Variants in TINAGL1 observed in about 807,000 individuals in gnomAD.
TINAGL1 encodes tubulointerstitial nephritis antigen-like.
Under a neutral mutation model 62.0 loss-of-function variants are expected in TINAGL1, and 34 were observed. That is an observed-to-expected ratio of 0.55 (90% CI 0.42 to 0.73). The LOEUF (loss-of-function observed/expected upper bound fraction) is 0.73, where lower values mean the gene tolerates loss of function less well. Ranked by LOEUF, TINAGL1 falls within the 30% of genes least tolerant of loss-of-function variation. The probability of loss-of-function intolerance (pLI) is 0.00; values close to 1 mark genes in which losing one functional copy is unlikely to be tolerated. For missense variants in TINAGL1, 516 were observed against 653.2 expected, an observed-to-expected ratio of 0.79 and a Z score of 2.29; for synonymous variants, 221 against 249.7, an observed-to-expected ratio of 0.88 and a Z score of 1.08.
Position 31,583,012 on chromosome 1 carries a change from G to C in TINAGL1, c.375-137G>C, listed in dbSNP as rs1247753551. The C allele has an allele frequency of 1.4e-6, 1 of 739,226 alleles. No homozygotes were observed. Among genetic ancestry groups the C allele is most frequent in the Admixed American group, 2.0e-5 (1 of 50,804 alleles). The allele number at this position is 739,226 out of a possible 1,614,324, so 45.8% of individuals were successfully genotyped here. On this transcript the variant is annotated intron_variant, in intron 3 of 11. Coordinates refer to ENST00000271064, the MANE Select transcript of TINAGL1 (RefSeq NM_022164.3). The surrounding 1 kb of genome is among the most constrained non-coding windows in gnomAD (Gnocchi z 4.4). ...AGACGTTGACATTTAAAGCCACCAGGCTGGATGGGATCACCTAGAGATTCT... is the reference window on the plus strand; with the variant it reads ...AGACGTTGACATTTAAAGCCACCAGCCTGGATGGGATCACCTAGAGATTCT...
chr1:31,578,274 G>GTC (rs1639058445), intron 2 of TINAGL1: 1 of 582,274 alleles, frequency 1.7e-6, no homozygotes, highest in Non-Finnish European at 2.2e-6. Context: ...GTGTGTGTGT[G>GTC]TGATGTCTTC....
At position 31,576,998 on chromosome 1, in the gene TINAGL1, C is replaced by T. The variant is rs1382206785; in HGVS notation, c.-15-136C>T. 1 of 786,822 alleles carries T rather than the reference C, an allele frequency of 1.3e-6. No individual in the cohort carries two copies. Among genetic ancestry groups the T allele is most frequent in the Non-Finnish European group, 1.9e-6 (1 of 515,990 alleles). 48.7% of individuals were successfully genotyped at this position (786,822 alleles called of 1,614,324 possible). ...GCCCACACACTGGGGCTCCTCTGCCCGTGTCCTGCCTGGGGACTCAGGAAT... is the reference window on the plus strand; with the variant it reads ...GCCCACACACTGGGGCTCCTCTGCCTGTGTCCTGCCTGGGGACTCAGGAAT... On this transcript the variant is annotated intron_variant, in intron 1 of 11. Coordinates refer to ENST00000271064, the MANE Select transcript of TINAGL1 (RefSeq NM_022164.3). This position sits in a 1 kb window ranked among gnomAD's most constrained non-coding sequence, Gnocchi z 5.1.
rs1557562640 is a variant in TINAGL1, at chr1:31,585,614, T to TGGAGG, written c.1093+129_1093+130insGGAGG. On this transcript the variant is annotated intron_variant, in intron 9 of 11. Transcript: ENST00000271064. This position sits in a 1 kb window ranked among gnomAD's most constrained non-coding sequence, Gnocchi z 4.3. The stretch of plus-strand genomic sequence containing the variant: ...AGGGCCAGGAGTAGGGGTCCCCCCC[T>TGGAGG]CCCACAGGCAGCACCTGGAGGGAGC... 3 of 1,532,846 alleles carry TGGAGG rather than the reference T, an allele frequency of 2.0e-6. No homozygotes were observed. In the East Asian group the frequency reaches 6.8e-5, roughly 35 times the overall value. The allele number at this position is 1,532,846 out of a possible 1,614,324, so 95.0% of individuals were successfully genotyped here.
intron 3 of TINAGL1, chr1:31,580,880 A>C: frequency 1.1e-6 from 1 of 941,740 alleles, no homozygotes. Context: ...TCCCATTTCT[A>C]GTGTAAGGTG....
chr1:31,586,441 T>C, intron 10 of TINAGL1: 1 of 578,504 alleles, frequency 1.7e-6, no homozygotes, highest in East Asian at 2.9e-5. Flanking sequence ...GGTGGGTCTC[T>C]GGAGGACCCA....
In TINAGL1 at chr1:31,587,176, C is replaced by T. The variant is rs866693647; in HGVS notation, c.*197C>T. 1 of 763,896 alleles carries T rather than the reference C, an allele frequency of 1.3e-6. No homozygotes were observed. The highest frequency in any genetic ancestry group is 1.8e-6 in the Non-Finnish European group (1 of 551,614). 47.3% of individuals were successfully genotyped at this position (763,896 alleles called of 1,614,324 possible). A position where few individuals can be genotyped will look rare whatever the true frequency, so the allele number is the denominator to read the frequency against. On this transcript the variant is annotated 3_prime_UTR_variant, in exon 12 of 12. Coordinates refer to ENST00000271064, the MANE Select transcript of TINAGL1 (RefSeq NM_022164.3). ...GCGGGCAGGCGAGACTGGCGGAGCC[C>T]CCAGACCTCCCAGTGGGGACGGGGC...
intron 3 of TINAGL1, chr1:31,580,476 C>G (rs751197661): frequency 9.3e-6 from 12 of 1,289,154 alleles, no homozygotes; most frequent in Non-Finnish European, 1.2e-5. Flanking sequence ...CTTCCAGAGT[C>G]TAGTCGGGTG....
Position 31,577,603 on chromosome 1 carries a change from T to C in TINAGL1, c.310+145T>C. ...CTCTTCCCTGCCCCTCTGGGAACTTTACTCTCCAGCAAGACTGAAGAAGCT... is the reference window on the plus strand; with the variant it reads ...CTCTTCCCTGCCCCTCTGGGAACTTCACTCTCCAGCAAGACTGAAGAAGCT... On this transcript the variant is annotated intron_variant, in intron 2 of 11. Transcript: ENST00000271064. This position sits in a 1 kb window ranked among gnomAD's most constrained non-coding sequence, Gnocchi z 5.4. 2 of 915,858 alleles carry C rather than the reference T, an allele frequency of 2.2e-6. No homozygotes were observed. Among genetic ancestry groups the C allele is most frequent in the Non-Finnish European group, 3.2e-6 (2 of 623,206 alleles). The allele number at this position is 915,858 out of a possible 1,614,324, so 56.7% of individuals were successfully genotyped here.
chr1:31,583,306 C>T lies in TINAGL1; in HGVS notation c.467+65C>T. ...ATACTCATGCATGTATACACGCATGCTGTGCTGTGGGGCACGTCCAGCAGG... is the reference window on the plus strand; with the variant it reads ...ATACTCATGCATGTATACACGCATGTTGTGCTGTGGGGCACGTCCAGCAGG... On this transcript the variant is annotated intron_variant, in intron 4 of 11. Transcript: ENST00000271064. This position sits in a 1 kb window ranked among gnomAD's most constrained non-coding sequence, Gnocchi z 4.4. 1 of 1,545,404 alleles carries T rather than the reference C, an allele frequency of 6.5e-7. No individual in the cohort carries two copies. Among genetic ancestry groups the T allele is most frequent in the African/African-American group, 1.4e-5 (1 of 73,734 alleles).
Position 31,583,272 on chromosome 1 carries a change from C to T in TINAGL1, c.467+31C>T, listed in dbSNP as rs1639294700. ...AGGCCCTAGAGGCACCCTCAGTGGG[C>T]ACACATGCATACTCATGCATGTATA... On this transcript the variant is annotated intron_variant, in intron 4 of 11. Coordinates refer to ENST00000271064, the MANE Select transcript of TINAGL1 (RefSeq NM_022164.3). This position sits in a 1 kb window ranked among gnomAD's most constrained non-coding sequence, Gnocchi z 4.4. 5 of 1,600,888 alleles carry T rather than the reference C, an allele frequency of 3.1e-6. No homozygotes were observed. Among genetic ancestry groups the T allele is most frequent in the Non-Finnish European group, 4.3e-6 (5 of 1,168,134 alleles).
In TINAGL1 at chr1:31,585,332, G is replaced by A. The variant is rs146987687; in HGVS notation, c.1039G>A (p.Gly347Ser). Residue 347 changes from glycine (G) to serine (S), a missense_variant, in exon 8 of 12, where the codon GGC becomes AGC. Gly to Ser is a moderately conservative substitution (Grantham distance 56). Coordinates refer to ENST00000271064, the MANE Select transcript of TINAGL1 (RefSeq NM_022164.3). This position sits in a 1 kb window ranked among gnomAD's most constrained non-coding sequence, Gnocchi z 4.3. ...CCAGGTCACTCCTGTCTACCGCCTC[G>A]GCTCCAACGTAAGTCAGCACTTGGG... ...IYQVTPVYRLGSNDKEIMKEL... is the reference protein window; with the variant it reads ...IYQVTPVYRLSSNDKEIMKEL... 87 of 1,604,062 alleles carry A rather than the reference G, an allele frequency of 5.4e-5. No individual in the cohort carries two copies. In the African/African-American group the frequency reaches 7.6e-4, roughly 14 times the overall value.
chr1:31,585,834 A>G lies in TINAGL1; in HGVS notation c.1175A>G (p.Glu392Gly), dbSNP rs755033788. The change falls in exon 10 of 12, where the codon GAG becomes GGG. Residue 392 changes from glutamate (E) to glycine (G), a missense_variant. Physicochemically the swap from Glu to Gly is moderately conservative, Grantham distance 98. Transcript: ENST00000271064. This position sits in a 1 kb window ranked among gnomAD's most constrained non-coding sequence, Gnocchi z 4.3. ...SHTPVSLGRP[E>G]RYRRHGTHSV... ...ACGCCAGTGAGCCTTGGGAGGCCAG[A>G]GAGATACCGCCGGCATGGGACCCAC... 1 of 1,610,186 alleles carries G rather than the reference A, an allele frequency of 6.2e-7. No homozygotes were observed. The highest frequency in any genetic ancestry group is 1.1e-5 in the South Asian group (1 of 90,196).
In TINAGL1 at chr1:31,583,524, C is replaced by T. The variant is rs1189980387; in HGVS notation, c.531C>T (p.Arg177=). 8 of 1,614,080 alleles carry T rather than the reference C, an allele frequency of 5.0e-6. No individual in the cohort carries two copies. The highest frequency in any genetic ancestry group is 6.8e-6 in the Non-Finnish European group (8 of 1,180,020). The change falls in exon 5 of 12, where the codon CGC becomes CGT. Residue 177 remains arginine, a synonymous_variant. Transcript: ENST00000271064. The surrounding 1 kb of genome is among the most constrained non-coding windows in gnomAD (Gnocchi z 4.4). ...GMTLDEGIRY[R]LGTIRPSSSV... ...CCCTGGATGAGGGCATTCGCTACCG[C>T]CTGGGCACCATCCGCCCATCTTCCT... is the stretch of plus-strand genomic sequence containing the variant.
Position 31,587,008 on chromosome 1 carries a change from TG to T in TINAGL1, c.*32del. Reference sequence around the variant, plus strand: ...TGCGGGCACCACGCGGGGTCCGGCCTGGGATCCAGGCTAAGGGCCGGCGGAA... The same window carrying T: ...TGCGGGCACCACGCGGGGTCCGGCCTGGATCCAGGCTAAGGGCCGGCGGAA... On this transcript the variant is annotated 3_prime_UTR_variant, in exon 12 of 12. Transcript: ENST00000271064. 6.9e-7 allele frequency: 1 copy of T among 1,439,274 alleles called. No individual in the cohort carries two copies. Among genetic ancestry groups the T allele is most frequent in the Non-Finnish European group, 9.1e-7 (1 of 1,099,548 alleles). 89.2% of individuals were successfully genotyped at this position (1,439,274 alleles called of 1,614,324 possible). A position where few individuals can be genotyped will look rare whatever the true frequency, so the allele number is the denominator to read the frequency against.
At chr1:31,580,737 G>A in intron 3 of TINAGL1, 2 of 1,251,290 alleles carry the variant, frequency 1.6e-6, no homozygotes, top group Non-Finnish European at 2.1e-6. Context: ...ACAGAGTTAT[G>A]AGCTTGTAAA....
In TINAGL1 at chr1:31,579,202, A is replaced by G. The variant is rs1456493536; in HGVS notation, c.311-2A>G. 3 of 1,613,850 alleles carry G rather than the reference A, an allele frequency of 1.9e-6. No individual in the cohort carries two copies. The highest frequency in any genetic ancestry group is 2.5e-6 in the Non-Finnish European group (3 of 1,179,768). ...CACTTCTCTTCTCTTCCCTTCCAACAGGATGTATGCATGGAGGTCGTATCT... is the reference window on the plus strand; with the variant it reads ...CACTTCTCTTCTCTTCCCTTCCAACGGGATGTATGCATGGAGGTCGTATCT... On this transcript the variant is annotated splice_acceptor_variant, in intron 2 of 11. Transcript: ENST00000271064. LOFTEE classifies it high-confidence loss of function.
intron 3 of TINAGL1, chr1:31,580,227 G>GTCTCTCTCTCTCTGTCTC (rs1235048870): frequency 1.9e-6 from 1 of 525,632 alleles, no homozygotes; most frequent in East Asian, 1.7e-4. Context: ...CTCTCTCTCT[G>GTCTCTCTCTCTCTGTCTC]TCTCTCTCTG....
chr1:31,577,351 G>T lies in TINAGL1; in HGVS notation c.203G>T (p.Gly68Val). The change falls in exon 2 of 12, where the codon GGC becomes GTC. Residue 68 changes from glycine (G) to valine (V), a missense_variant. Gly to Val is a moderately radical substitution (Grantham distance 109). Transcript: ENST00000271064. The surrounding 1 kb of genome is among the most constrained non-coding windows in gnomAD (Gnocchi z 5.4). ...RADDCALPYLGAICYCDLFCN... is the reference protein window; with the variant it reads ...RADDCALPYLVAICYCDLFCN... ...GACGACTGTGCCCTGCCCTACCTGG[G>T]CGCCATCTGTTACTGTGACCTCTTC... is the stretch of plus-strand genomic sequence containing the variant. 6.2e-7 allele frequency: 1 copy of T among 1,614,012 alleles called. No homozygotes were observed. The highest frequency in any genetic ancestry group is 1.1e-5 in the South Asian group (1 of 91,088).
chr1:31,587,190 T>A lies in TINAGL1; in HGVS notation c.*211T>A. ...CTGGCGGAGCCCCCAGACCTCCCAGTGGGGACGGGGCAGGGCCTGGCCTGG... is the reference window on the plus strand; with the variant it reads ...CTGGCGGAGCCCCCAGACCTCCCAGAGGGGACGGGGCAGGGCCTGGCCTGG... On this transcript the variant is annotated 3_prime_UTR_variant, in exon 12 of 12. Coordinates refer to ENST00000271064, the MANE Select transcript of TINAGL1 (RefSeq NM_022164.3). 1 of 661,810 alleles carries A rather than the reference T, an allele frequency of 1.5e-6. No individual in the cohort carries two copies. Among genetic ancestry groups the A allele is most frequent in the Non-Finnish European group, 2.2e-6 (1 of 462,870 alleles). The allele number at this position is 661,810 out of a possible 1,614,324, so 41.0% of individuals were successfully genotyped here. A position where few individuals can be genotyped will look rare whatever the true frequency, so the allele number is the denominator to read the frequency against.
Sources: gnomAD v4.1 joint callset for allele counts on GRCh38, gnomAD v4.1.1 for gene constraint, Gnocchi (gnomAD v3.1) non-coding constraint, MANE v1.5 for transcripts, NCBI Gene and HGNC (gene_info 2026-07-23, HGNC 2026-07-21) for gene names.